The following SYNE1 variants were observed in gnomAD, a reference collection of about 807,000 sequenced individuals.
SYNE1 encodes nesprin-1.
Under a neutral mutation model 1,111.0 loss-of-function variants are expected in SYNE1, and 616 were observed. The ratio of observed to expected loss-of-function variants is 0.55; its 90% confidence interval spans 0.52 to 0.59. The LOEUF is 0.59. SYNE1 is among the 20% of genes least tolerant of loss of function. SYNE1 has a pLI of 0.00. For missense variants in SYNE1, 10,006 were observed against 10,417.0 expected, an observed-to-expected ratio of 0.96 and a Z score of 1.72; for synonymous variants, 3,855 against 3,825.8, an observed-to-expected ratio of 1.01 and a Z score of -0.28.
At chr6:152,590,364 C>CT (rs202225352) in intron 3 of SYNE1, among the ~76,000 whole-genome samples, 3,255 of 150,418 alleles carry the variant, frequency 0.022, 119 homozygotes, top group African/African-American at 0.076. Context: ...AGAGAAAATC[C>CT]ATTTTTTTTT....
At chr6:152,160,028 G>A (rs948093833) in intron 131 of SYNE1, among the ~76,000 whole-genome samples, 1 of 151,160 alleles carries the variant, frequency 6.6e-6, no homozygotes, top group Non-Finnish European at 1.5e-5. Flanking sequence ...TTTTTTTTTA[G>A]ACAGAGTCTC....
At chr6:152,523,268 A>T (rs548142027) in intron 5 of SYNE1, among the ~76,000 whole-genome samples, 4 of 152,142 alleles carry the variant, frequency 2.6e-5, no homozygotes, top group Admixed American at 6.5e-5. Context: ...ATTCTTTTAC[A>T]TGTGACTATC....
rs796260764 is a variant in SYNE1, at chr6:152,179,673, C to CTTTTTTTTTTTTTTTTTTTTTTTT, written c.23460+439_23460+462dup. ...GCAAGTTTATTTTATGCTGGATATC[C>CTTTTTTTTTTTTTTTTTTTTTTTT]TTTTTTTTTTTTTTTTTTTTTTTTT... On this transcript the variant is annotated intron_variant, in intron 129 of 145. Transcript: ENST00000367255. Among the ~76,000 whole-genome samples the CTTTTTTTTTTTTTTTTTTTTTTTT allele has an allele frequency of 2.0e-4, 11 of 55,104 alleles. 2 individuals carry two copies. The highest frequency in any genetic ancestry group is 1.4e-3 in the East Asian group (2 of 1,450). The allele number at this position is 55,104 out of a possible 152,430, so 36.2% of individuals were successfully genotyped here.
At chr6:152,467,173 A>C (rs1331148070) in intron 16 of SYNE1, among the ~76,000 whole-genome samples, 4 of 152,128 alleles carry the variant, frequency 2.6e-5, no homozygotes, top group Non-Finnish European at 5.9e-5. Flanking sequence ...TTCAGGGATA[A>C]AGTGAATAGA....
intron 11 of SYNE1, among the ~76,000 whole-genome samples, chr6:152,491,102 C>T (rs2098967869): frequency 6.6e-6 from 1 of 152,152 alleles, no homozygotes; most frequent in South Asian, 2.1e-4. Context: ...ACCCACATTC[C>T]ACTGGTGTCT....
chr6:152,259,485 T>C (rs778631782), intron 101 of SYNE1, among the ~76,000 whole-genome samples: 3 of 152,164 alleles, frequency 2.0e-5, no homozygotes, highest in African/African-American at 7.2e-5. Context: ...TTTTTACATA[T>C]GAAACTAGTA....
At chr6:152,539,811 T>C in intron 4 of SYNE1, 149 bp downstream of exon 4, 1 of 894,984 alleles carries the variant, frequency 1.1e-6, no homozygotes, top group Non-Finnish European at 1.8e-6. Flanking sequence ...AATTCCACTC[T>C]TAGGCAACAG....
intron 3 of SYNE1, among the ~76,000 whole-genome samples, chr6:152,605,577 T>A (rs145212675): frequency 1.1e-3 from 171 of 152,286 alleles, no homozygotes; most frequent in African/African-American, 3.9e-3. Context: ...CAAGAAGAAA[T>A]GCATTAGAGC....
intron 8 of SYNE1, among the ~76,000 whole-genome samples, chr6:152,509,171 T>C (rs1341460875): frequency 6.6e-6 from 1 of 151,992 alleles, no homozygotes; most frequent in Admixed American, 6.6e-5. Context: ...AAAATACTTA[T>C]ATAATCAACT....
At chr6:152,187,528 A>T (rs1484691392) in intron 128 of SYNE1, among the ~76,000 whole-genome samples, 1 of 152,058 alleles carries the variant, frequency 6.6e-6, no homozygotes, top group Non-Finnish European at 1.5e-5. Context: ...GTCTTCCCAC[A>T]CCAGCTTTTT....
intron 110 of SYNE1, among the ~76,000 whole-genome samples, 190 bp from the exon 111 acceptor site, chr6:152,234,990 G>A (rs948411448): frequency 1.3e-5 from 2 of 152,074 alleles, no homozygotes; most frequent in African/African-American, 2.4e-5. Flanking sequence ...CTGGGTTTCC[G>A]CTGGCCTGTC....
intron 85 of SYNE1, 30 bp from the exon 86 acceptor site, chr6:152,318,293 A>G: frequency 1.2e-6 from 2 of 1,613,182 alleles, no homozygotes; most frequent in Non-Finnish European, 1.7e-6. Context: ...AAAGAACATT[A>G]GAGTACAGAA....
chr6:152,316,454 G>A (rs1219340880), intron 87 of SYNE1: 3 of 275,506 alleles, frequency 1.1e-5, no homozygotes, highest in Non-Finnish European at 2.1e-5. Flanking sequence ...GCCCTGCATG[G>A]CGGAGCTTGG....
rs140512135 is a variant in SYNE1, at chr6:152,167,933, T to C, written c.23628-3608A>G. The C allele has an allele frequency of 1.4e-3, 1,054 of 771,770 alleles. 11 individuals are homozygous for C. In the African/African-American group the frequency reaches 0.016, roughly 12 times the overall value. 47.8% of individuals were successfully genotyped at this position (771,770 alleles called of 1,614,324 possible). A position where few individuals can be genotyped will look rare whatever the true frequency, so the allele number is the denominator to read the frequency against. ...AGCTCTGCATGCCCAGTAGAGGTAC[T>C]AGAAAACAAACCAACGAATAACTCT... On this transcript the variant is annotated intron_variant, in intron 130 of 145. Coordinates refer to ENST00000367255, the MANE Select transcript of SYNE1 (RefSeq NM_182961.4).
intron 12 of SYNE1, among the ~76,000 whole-genome samples, chr6:152,485,840 T>C (rs898204625): frequency 2.6e-5 from 4 of 152,138 alleles, no homozygotes; most frequent in African/African-American, 9.7e-5. Flanking sequence ...GGGGAGATAG[T>C]GAACTAGAAT....
At chr6:152,613,787 T>C in intron 3 of SYNE1, among the ~76,000 whole-genome samples, 1 of 149,418 alleles carries the variant, frequency 6.7e-6, no homozygotes, top group East Asian at 2.0e-4. Flanking sequence ...CCAAAACAGA[T>C]ATATAGAGCA....
rs1268115213 is a variant in SYNE1 at position 152,224,495 on chromosome 6, T to A, written c.21521A>T (p.Gln7174Leu). The A allele has an allele frequency of 1.9e-6, 3 of 1,613,894 alleles. No homozygotes were observed. Among genetic ancestry groups the A allele is most frequent in the Non-Finnish European group, 2.5e-6 (3 of 1,179,820 alleles). The part of the protein sequence containing the change: ...EAVQVQVDNL[Q>L]NLQDDLEKQE... Reference sequence around the variant, plus strand: ...GGATGTGTTAAATTAATTCCTTACCTGAAGATTGTCCACCTGAACTTGCAC... The same window carrying A: ...GGATGTGTTAAATTAATTCCTTACCAGAAGATTGTCCACCTGAACTTGCAC... The change falls in exon 117 of 146, where the codon CAG becomes CTG. Residue 7174 changes from glutamine to leucine, a missense_variant and splice_region_variant. This residue lies in a region of SYNE1 where 2,182 missense variants were observed against 2,287.8 expected (regional missense o/e 0.95). Coordinates refer to ENST00000367255, the MANE Select transcript of SYNE1 (RefSeq NM_182961.4).
Position 152,416,912 on chromosome 6 carries a change from A to T in SYNE1, c.5525T>A (p.Leu1842Gln), listed in dbSNP as rs1178724960. 6.2e-7 allele frequency: 1 copy of T among 1,613,972 alleles called. No individual in the cohort carries two copies. Among genetic ancestry groups the T allele is most frequent in the African/African-American group, 1.3e-5 (1 of 74,924 alleles). The change falls in exon 41 of 146, where the codon CTG (leucine) becomes CAG (glutamine). Residue 1842 changes from leucine (L) to glutamine (Q), a missense_variant. Physicochemically the swap from Leu to Gln is moderately radical, Grantham distance 113. Coordinates refer to ENST00000367255, the MANE Select transcript of SYNE1 (RefSeq NM_182961.4). ...GAAGCAGTCCTCAGCCTTTCCCTGC[A>T]GGAGGTGGAGGTCCTCAGCACGGCC... ...SLGRAEDLHLLQGKAEDCFQL... is the reference protein window; with the variant it reads ...SLGRAEDLHLQQGKAEDCFQL...
chr6:152,275,393 T>A (rs1296873822), intron 98 of SYNE1, among the ~76,000 whole-genome samples: 1 of 152,226 alleles, frequency 6.6e-6, no homozygotes, highest in Non-Finnish European at 1.5e-5. Flanking sequence ...AAATACAGTT[T>A]ATCACGTTTC....
Sources: gnomAD v4.1 joint callset for allele counts (sites outside exome capture counted in the v4.1 genomes callset) on GRCh38, gnomAD v4.1.1 for gene constraint, gnomAD v4.1.1 regional missense constraint, MANE v1.5 for transcripts, NCBI Gene and HGNC (gene_info 2026-07-23, HGNC 2026-07-21) for gene names.